Variants in TADA2A observed in about 807,000 individuals in gnomAD.
TADA2A encodes the protein transcriptional adaptor 2A, also known as transcriptional adapter 2-alpha.
A neutral mutation model predicts 67.4 loss-of-function variants in TADA2A; 38 were observed. The ratio of observed to expected loss-of-function variants is 0.56; its 90% CI spans 0.44 to 0.74. The LOEUF is 0.74. Ranked by LOEUF, TADA2A falls within the 30% of genes least tolerant of loss-of-function variation. The pLI is 0.00. For missense variants in TADA2A, 454 were observed against 547.0 expected (o/e 0.83, Z 1.70); for synonymous variants, 192 against 181.6 (o/e 1.06, Z -0.46).
chr17:37,451,417 A>G (rs1289900665), intron 8 of TADA2A, among the ~76,000 whole-genome samples: 1 of 148,176 alleles, frequency 6.7e-6, no homozygotes, highest in African/African-American at 2.5e-5. Context: ...CTCCCAGGCT[A>G]TAGCAATCCT....
rs550125830 is a variant in TADA2A, at chr17:37,427,554, T to C, written c.192+545T>C. On this transcript the variant is annotated intron_variant, in intron 4 of 15. Transcript: ENST00000615182. ...TGAATAAAACTTGGCTATAGCTTAA[T>C]TGTAATGCCACACTTAAAGAAGGAA... 9.2e-5 allele frequency among the ~76,000 whole-genome samples: 14 copies of C among 152,336 alleles called. No individual in the cohort carries two copies. In the South Asian group the frequency reaches 2.9e-3, roughly 32 times the overall value.
In TADA2A at chr17:37,411,369, G is replaced by C; in HGVS notation, c.4G>C (p.Asp2His). 6.2e-7 allele frequency: 1 copy of C among 1,613,890 alleles called. No homozygotes were observed. The highest frequency in any genetic ancestry group is 1.1e-5 in the South Asian group (1 of 91,070). Reference sequence around the variant, plus strand: ...AGCACTCGTTGCCAATTAGGGAATGGACCGTTTGGGTTCCTTTAGCAGTAA... The same window carrying C: ...AGCACTCGTTGCCAATTAGGGAATGCACCGTTTGGGTTCCTTTAGCAGTAA... Reference protein sequence around the residue: MDRLGSFSNDPS... With the variant: MHRLGSFSNDPS... The change falls in exon 2 of 16, where the codon GAC becomes CAC. Residue 2 changes from aspartate (D) to histidine (H), a missense_variant. Physicochemically the swap from Asp to His is moderately conservative, Grantham distance 81. Around this residue, in one of 2 missense-constraint regions of TADA2A, gnomAD observed 403 missense variants for 455.5 expected, o/e 0.88. Transcript: ENST00000615182.
chr17:37,444,676 T>C lies in TADA2A; in HGVS notation c.532-20T>C, dbSNP rs941466210. The C allele has an allele frequency of 6.2e-7, 1 of 1,612,298 alleles. No homozygotes were observed. The highest frequency in any genetic ancestry group is 1.7e-5 in the Admixed American group (1 of 59,866). On this transcript the variant is annotated intron_variant, in intron 7 of 15. Transcript: ENST00000615182. The stretch of plus-strand genomic sequence containing the variant: ...AAGCCGATGGGTTTGGGGTGGGGAT[T>C]TTTTTGTTCCCCTAAACAGGAATTT...
intron 8 of TADA2A, among the ~76,000 whole-genome samples, chr17:37,455,550 T>G (rs1055204506): frequency 1.3e-5 from 2 of 151,902 alleles, no homozygotes; most frequent in Non-Finnish European, 2.9e-5. Context: ...CCAGGCTAAT[T>G]TTTTATATTT....
At chr17:37,433,518 G>A (rs969994633) in intron 4 of TADA2A, among the ~76,000 whole-genome samples, 14 of 151,996 alleles carry the variant, frequency 9.2e-5, no homozygotes, top group African/African-American at 3.1e-4. Context: ...AATTAGGTGG[G>A]TGTGGTTGCA....
intron 4 of TADA2A, among the ~76,000 whole-genome samples, chr17:37,433,839 A>T (rs941780284): frequency 6.6e-6 from 1 of 152,010 alleles, no homozygotes; most frequent in Non-Finnish European, 1.5e-5. Flanking sequence ...CTGTAATTCC[A>T]GATGTTCTGG....
chr17:37,452,029 A>G (rs1223360621), intron 8 of TADA2A, among the ~76,000 whole-genome samples: 1 of 152,078 alleles, frequency 6.6e-6, no homozygotes, highest in East Asian at 1.9e-4. Context: ...AATTAGCAGT[A>G]ATTTTACTGG....
chr17:37,418,406 C>T (rs2147912989), intron 2 of TADA2A, among the ~76,000 whole-genome samples: 2 of 152,166 alleles, frequency 1.3e-5, no homozygotes, highest in South Asian at 4.2e-4. Context: ...AAAAAGGTAC[C>T]TCCTCAGATT....
intron 1 of TADA2A, among the ~76,000 whole-genome samples, chr17:37,411,053 A>G (rs142349117): frequency 1.3e-5 from 2 of 152,306 alleles, no homozygotes; most frequent in East Asian, 3.9e-4. Flanking sequence ...ACTTATATGG[A>G]TTATGATATT....
chr17:37,442,039 C>T (rs966447361), intron 6 of TADA2A, among the ~76,000 whole-genome samples: 1 of 152,134 alleles, frequency 6.6e-6, no homozygotes, highest in Non-Finnish European at 1.5e-5. Context: ...TGTTTCCTAA[C>T]AGCAACCCAG....
intron 9 of TADA2A, among the ~76,000 whole-genome samples, chr17:37,460,911 C>T (rs950024339): frequency 6.6e-6 from 1 of 151,714 alleles, no homozygotes; most frequent in African/African-American, 2.4e-5. Context: ...GAGAGGATGA[C>T]TTGAGCCTAG....
intron 10 of TADA2A, among the ~76,000 whole-genome samples, chr17:37,462,797 ATAACCT>A (rs779834342): frequency 1.1e-4 from 17 of 152,242 alleles, no homozygotes; most frequent in Non-Finnish European, 2.4e-4. Flanking sequence ...TAAGCATAAC[ATAACCT>A]TAATCTTCAG....
rs113134064 is a variant in TADA2A at position 37,422,001 on chromosome 17, C to T, written c.26-1508C>T. 6.3e-3 allele frequency among the ~76,000 whole-genome samples: 918 copies of T among 145,096 alleles called. 60 individuals carry two copies. The highest frequency in any genetic ancestry group is 0.02 in the African/African-American group (789 of 40,134). On this transcript the variant is annotated intron_variant, in intron 2 of 15. Coordinates refer to ENST00000615182, the MANE Select transcript of TADA2A (RefSeq NM_001166105.3). ...TCAAGCAGTTCTTCTGCCTCAGCCT[C>T]CTGTGTAGCTGGGACTACAGATGCA...
chr17:37,461,769 C>T (rs928710107), intron 9 of TADA2A: 6 of 231,240 alleles, frequency 2.6e-5, no homozygotes, highest in African/African-American at 1.1e-4. Context: ...AGATTCCTTT[C>T]GGTTTCATCT....
intron 2 of TADA2A, among the ~76,000 whole-genome samples, chr17:37,412,289 A>G (rs1202631980): frequency 6.6e-6 from 1 of 152,030 alleles, no homozygotes; most frequent in South Asian, 2.1e-4. Flanking sequence ...AGTTAAACCT[A>G]GAAAAGCCAT....
chr17:37,469,502 G>C (rs1219373526), intron 12 of TADA2A, among the ~76,000 whole-genome samples: 1 of 151,858 alleles, frequency 6.6e-6, no homozygotes, highest in Admixed American at 6.6e-5. Context: ...GCATGGTGGC[G>C]CATGCCTGTA....
chr17:37,465,355 TAAAA>T, intron 10 of TADA2A, 72 bp from the exon 11 acceptor site: 3 of 990,814 alleles, frequency 3.0e-6, no homozygotes, highest in Non-Finnish European at 4.4e-6. Flanking sequence ...TTACTAATTG[TAAAA>T]AAAAAAAAAT....
intron 11 of TADA2A, 40 bp downstream of exon 11, chr17:37,465,581 A>G (rs1196155589): frequency 6.2e-7 from 1 of 1,612,308 alleles, no homozygotes; most frequent in Non-Finnish European, 8.5e-7. Context: ...TTGTGTGTGT[A>G]TATTTATATA....
intron 10 of TADA2A, among the ~76,000 whole-genome samples, chr17:37,463,825 C>T (rs1180859886): frequency 6.6e-6 from 1 of 151,780 alleles, no homozygotes; most frequent in East Asian, 2.0e-4. Flanking sequence ...TGGTGGCAGG[C>T]GCCTGTAGTC....
Sources: allele counts gnomAD v4.1 joint callset (sites outside exome capture counted in the v4.1 genomes callset), GRCh38; gene constraint gnomAD v4.1.1; regional missense constraint gnomAD v4.1.1; transcripts MANE v1.5; gene names NCBI Gene and HGNC (gene_info 2026-07-23, HGNC 2026-07-21).